CTNNA3: variants seen among roughly 807,000 people sequenced by gnomAD.
The protein encoded by CTNNA3 is catenin alpha 3.
In CTNNA3, 76 loss-of-function variants were observed where a neutral mutation model predicts 95.7. That is an observed-to-expected ratio of 0.79 (90% CI 0.66 to 0.96). The LOEUF (loss-of-function observed/expected upper bound fraction) is 0.96, where lower values mean the gene tolerates loss of function less well. CTNNA3 is among the 40% of genes least tolerant of loss of function. CTNNA3 has a pLI of 0.00. For missense variants in CTNNA3, 1,191 were observed against 1,089.8 expected (o/e 1.09, Z -1.31); for synonymous variants, 431 against 374.4 (o/e 1.15, Z -1.74).
intron 16 of CTNNA3, among the ~76,000 whole-genome samples, chr10:65,978,614 CTG>C (rs2078256120): frequency 6.6e-6 from 1 of 152,092 alleles, no homozygotes; most frequent in Non-Finnish European, 1.5e-5. Flanking sequence ...CATGTAACTA[CTG>C]TGTTAGTCCA....
Position 66,438,284 on chromosome 10 carries a change from G to A in CTNNA3, c.1532-58932C>T, listed in dbSNP as rs566434724. Among the ~76,000 whole-genome samples the A allele has an allele frequency of 7.2e-5, 11 of 152,336 alleles. No homozygotes were observed. The South Asian group carries it at 2.1e-3, about 29-fold the overall frequency. On this transcript the variant is annotated intron_variant, in intron 11 of 17. Transcript: ENST00000433211. Reference sequence around the variant, plus strand: ...GTAGACAGAAACGTTTAAGTCTGGTGAAGCTGTGCTCACAGCTGCCCCTTC... The same window carrying A: ...GTAGACAGAAACGTTTAAGTCTGGTAAAGCTGTGCTCACAGCTGCCCCTTC...
chr10:67,330,634 C>T (rs1414022006), intron 5 of CTNNA3, among the ~76,000 whole-genome samples: 3 of 152,006 alleles, frequency 2.0e-5, no homozygotes, highest in Non-Finnish European at 4.4e-5. Flanking sequence ...CATGGTGAGT[C>T]CTGCTGCCAC....
At chr10:67,408,881 A>AC (rs1364728300) in intron 5 of CTNNA3, among the ~76,000 whole-genome samples, 2,150 of 103,624 alleles carry the variant, frequency 0.021, 50 homozygotes, top group African/African-American at 0.073. Context: ...ACTTAAATTT[A>AC]CAAAAAAAAA....
intron 5 of CTNNA3, among the ~76,000 whole-genome samples, chr10:67,301,200 C>T (rs1344264288): frequency 6.6e-6 from 1 of 152,082 alleles, no homozygotes; most frequent in Non-Finnish European, 1.5e-5. Flanking sequence ...ATTGTATGTG[C>T]CTAGTTTTTA....
intron 9 of CTNNA3, among the ~76,000 whole-genome samples, chr10:66,649,932 C>T (rs1439779436): frequency 5.3e-5 from 8 of 152,196 alleles, no homozygotes; most frequent in East Asian, 3.8e-4. Context: ...TCAGACAAGC[C>T]GGAAGCTAAA....
At chr10:66,021,062 T>C (rs2079195471) in intron 15 of CTNNA3, among the ~76,000 whole-genome samples, 1 of 152,184 alleles carries the variant, frequency 6.6e-6, no homozygotes, top group Non-Finnish European at 1.5e-5. Flanking sequence ...CCACAGCTCA[T>C]AAGTATCTCT....
chr10:66,101,062 T>C (rs2081607000), intron 14 of CTNNA3, among the ~76,000 whole-genome samples: 1 of 152,192 alleles, frequency 6.6e-6, no homozygotes, highest in Non-Finnish European at 1.5e-5. Context: ...ACCTACACTT[T>C]ACCTTCAGTG....
Position 66,400,869 on chromosome 10 carries a change from T to TA in CTNNA3, c.1532-21518dup, listed in dbSNP as rs1381394827. ...CCTATGAATGAATATGCCTTACTAG[T>TA]ATAATTGGGTGTGTCATATACAAAG... On this transcript the variant is annotated intron_variant, in intron 11 of 17. Coordinates refer to ENST00000433211, the MANE Select transcript of CTNNA3 (RefSeq NM_013266.4). Among the ~76,000 whole-genome samples, 12 of 152,080 alleles carry TA rather than the reference T, an allele frequency of 7.9e-5. 1 individual carries two copies. In the South Asian group the frequency reaches 2.1e-3, roughly 26 times the overall value.
Position 66,163,373 on chromosome 10 carries a change from C to T in CTNNA3, c.1885-60124G>A, listed in dbSNP as rs572160540. Reference sequence around the variant, plus strand: ...AGGCTGCTAGGGGACCCAGTGAGCTCCCAGGGCCTTTCTGCTGCTTTCTCT... The same window carrying T: ...AGGCTGCTAGGGGACCCAGTGAGCTTCCAGGGCCTTTCTGCTGCTTTCTCT... On this transcript the variant is annotated intron_variant, in intron 13 of 17. Coordinates refer to ENST00000433211, the MANE Select transcript of CTNNA3 (RefSeq NM_013266.4). Among the ~76,000 whole-genome samples the T allele has an allele frequency of 1.9e-3, 294 of 152,196 alleles. 1 individual carries two copies. Among genetic ancestry groups the T allele is most frequent in the Non-Finnish European group, 3.2e-3 (219 of 67,996 alleles).
chr10:66,197,677 G>A (rs1320239181), intron 13 of CTNNA3, among the ~76,000 whole-genome samples: 1 of 152,108 alleles, frequency 6.6e-6, no homozygotes, highest in African/African-American at 2.4e-5. Context: ...CAAGAAGAAT[G>A]TCCTTAAGTA....
chr10:67,251,122 T>C (rs1206446818), intron 5 of CTNNA3, among the ~76,000 whole-genome samples: 1 of 152,194 alleles, frequency 6.6e-6, no homozygotes, highest in Non-Finnish European at 1.5e-5. Context: ...AAATAGAGTA[T>C]ATCCACAAAA....
At chr10:66,088,236 T>A (rs1445718189) in intron 14 of CTNNA3, among the ~76,000 whole-genome samples, 2 of 152,030 alleles carry the variant, frequency 1.3e-5, no homozygotes, top group Non-Finnish European at 1.5e-5. Flanking sequence ...GAAAGCAATA[T>A]TTTAAGACTA....
At chr10:66,277,580 C>A (rs2091421582) in intron 13 of CTNNA3, among the ~76,000 whole-genome samples, 1 of 152,094 alleles carries the variant, frequency 6.6e-6, no homozygotes, top group South Asian at 2.1e-4. Context: ...CATTTACTTG[C>A]ACCTAAGTGA....
intron 11 of CTNNA3, among the ~76,000 whole-genome samples, chr10:66,462,905 T>C (rs1424234368): frequency 6.6e-6 from 1 of 152,180 alleles, no homozygotes; most frequent in African/African-American, 2.4e-5. Context: ...TAAACCTTTT[T>C]ATTTTCTGAA....
chr10:65,995,377 T>C (rs889107332), intron 15 of CTNNA3, among the ~76,000 whole-genome samples: 1 of 152,208 alleles, frequency 6.6e-6, no homozygotes, highest in Non-Finnish European at 1.5e-5. Context: ...TCTGGGTGCA[T>C]GCAGTAATGT....
intron 11 of CTNNA3, among the ~76,000 whole-genome samples, chr10:66,419,941 G>A (rs1446712949): frequency 6.6e-6 from 1 of 151,944 alleles, no homozygotes; most frequent in Non-Finnish European, 1.5e-5. Context: ...ACTCCTAGAA[G>A]GAAACATAGG....
At chr10:66,654,981 C>T (rs1461911131) in intron 9 of CTNNA3, among the ~76,000 whole-genome samples, 1 of 151,996 alleles carries the variant, frequency 6.6e-6, no homozygotes, top group African/African-American at 2.4e-5. Flanking sequence ...AAGGATACAA[C>T]ATTGCAGCTG....
chr10:66,825,445 T>C (rs938369564), intron 7 of CTNNA3, among the ~76,000 whole-genome samples: 1 of 151,482 alleles, frequency 6.6e-6, no homozygotes, highest in Non-Finnish European at 1.5e-5. Context: ...CCGGCTAATT[T>C]TGGTATTTTT....
Position 66,376,300 on chromosome 10 carries a change from A to G in CTNNA3, c.1732+2852T>C, listed in dbSNP as rs533989476. On this transcript the variant is annotated intron_variant, in intron 12 of 17. Coordinates refer to ENST00000433211, the MANE Select transcript of CTNNA3 (RefSeq NM_013266.4). Reference sequence around the variant, plus strand: ...ATATTCTCTATTAAGAATTCCTGACAGGAGGAGGAGCTTAGTAACAGGGAT... The same window carrying G: ...ATATTCTCTATTAAGAATTCCTGACGGGAGGAGGAGCTTAGTAACAGGGAT... Among the ~76,000 whole-genome samples the G allele has an allele frequency of 2.1e-4, 32 of 152,300 alleles. No homozygotes were observed. The East Asian group carries it at 6.2e-3, about 29-fold the overall frequency.
Sources: allele counts gnomAD v4.1 joint callset (sites outside exome capture counted in the v4.1 genomes callset), GRCh38; gene constraint gnomAD v4.1.1; transcripts MANE v1.5; gene names NCBI Gene and HGNC (gene_info 2026-07-23, HGNC 2026-07-21).